NKAIN2: variants seen among roughly 807,000 people sequenced by gnomAD.
The protein encoded by NKAIN2 is sodium/potassium transporting ATPase interacting 2, also known as sodium/potassium-transporting ATPase subunit beta-1-interacting protein 2.
NKAIN2 carries 14 observed loss-of-function variants against 32.6 expected under a neutral mutation model. That is an observed-to-expected ratio of 0.43 (90% confidence interval 0.28 to 0.67). NKAIN2 has a LOEUF of 0.67. NKAIN2 is among the 30% of genes least tolerant of loss of function. The pLI is 0.17. For synonymous variants in NKAIN2, 80 were observed against 87.2 expected (o/e 0.92, Z 0.46); for missense variants, 198 against 258.3 (o/e 0.77, Z 1.60).
intron 1 of NKAIN2, among the ~76,000 whole-genome samples, chr6:123,918,959 GCTGA>G (rs1419323148): frequency 6.6e-6 from 1 of 151,932 alleles, no homozygotes; most frequent in Non-Finnish European, 1.5e-5. Flanking sequence ...AATTCTGCTA[GCTGA>G]CTGACTCTTC....
intron 3 of NKAIN2, among the ~76,000 whole-genome samples, chr6:124,585,768 G>A (rs992843659): frequency 1.3e-5 from 2 of 152,062 alleles, no homozygotes; most frequent in Admixed American, 1.3e-4. Context: ...TCTTTTAAAT[G>A]TATTACTAAA....
At chr6:124,661,246 T>A (rs1784735162) in intron 4 of NKAIN2, among the ~76,000 whole-genome samples, 2 of 152,206 alleles carry the variant, frequency 1.3e-5, no homozygotes. Context: ...CCATGCAGTT[T>A]TGTAAAGTCA....
At chr6:124,426,995 C>G (rs1775010587) in intron 3 of NKAIN2, among the ~76,000 whole-genome samples, 1 of 152,148 alleles carries the variant, frequency 6.6e-6, no homozygotes, top group Non-Finnish European at 1.5e-5. Flanking sequence ...TATAAATTGC[C>G]CAGTCTCAGG....
At chr6:124,294,454 G>C (rs533961808) in intron 2 of NKAIN2, among the ~76,000 whole-genome samples, 11 of 152,102 alleles carry the variant, frequency 7.2e-5, no homozygotes, top group South Asian at 6.2e-4. Flanking sequence ...ACTGCAAAAG[G>C]GTTTCAGCTT....
chr6:124,198,666 G>T (rs1034568761), intron 1 of NKAIN2, among the ~76,000 whole-genome samples: 5 of 151,842 alleles, frequency 3.3e-5, no homozygotes, highest in Non-Finnish European at 4.4e-5. Flanking sequence ...TGCTCTGCAT[G>T]AGAGAAGAGT....
chr6:124,287,858 T>TATGTAG (rs1795627315), intron 2 of NKAIN2, among the ~76,000 whole-genome samples: 1 of 152,158 alleles, frequency 6.6e-6, no homozygotes. Context: ...ATCTGAGGAA[T>TATGTAG]ATGTAGGTTC....
chr6:124,612,294 CT>C (rs902780022), intron 3 of NKAIN2, among the ~76,000 whole-genome samples: 24 of 151,892 alleles, frequency 1.6e-4, no homozygotes, highest in Admixed American at 1.6e-3. Context: ...AAAACAGTTG[CT>C]TTGCATTAAT....
intron 2 of NKAIN2, among the ~76,000 whole-genome samples, chr6:124,328,048 A>T (rs1797493594): frequency 6.6e-6 from 1 of 152,164 alleles, no homozygotes; most frequent in Non-Finnish European, 1.5e-5. Context: ...TTATAGTTGT[A>T]AGTGTACACA....
chr6:124,227,107 T>G (rs1309468228), intron 1 of NKAIN2, among the ~76,000 whole-genome samples: 1 of 138,066 alleles, frequency 7.2e-6, no homozygotes, highest in Non-Finnish European at 1.6e-5. Context: ...AAAGAAAAAG[T>G]TACTAATACT....
chr6:123,838,071 A>G (rs1262836570), intron 1 of NKAIN2, among the ~76,000 whole-genome samples: 1 of 152,176 alleles, frequency 6.6e-6, no homozygotes, highest in Non-Finnish European at 1.5e-5. Context: ...AGCCCTAAAT[A>G]GGATTTTCCA....
intron 3 of NKAIN2, among the ~76,000 whole-genome samples, chr6:124,595,686 C>T (rs941373273): frequency 1.3e-5 from 2 of 151,994 alleles, no homozygotes; most frequent in Non-Finnish European, 1.5e-5. Flanking sequence ...CCATAGGGAA[C>T]TCAGCTTCTA....
chr6:124,596,226 G>A (rs1261831125), intron 3 of NKAIN2, among the ~76,000 whole-genome samples: 4 of 152,164 alleles, frequency 2.6e-5, no homozygotes, highest in Admixed American at 2.6e-4. Context: ...GGTACTTAGG[G>A]GGCATCAGGG....
At chr6:124,588,709 GGAGCTCT>G (rs1342832510) in intron 3 of NKAIN2, among the ~76,000 whole-genome samples, 1 of 152,126 alleles carries the variant, frequency 6.6e-6, no homozygotes, top group Non-Finnish European at 1.5e-5. Context: ...GGATTGTAAT[GGAGCTCT>G]TGATTCTATT....
rs370911145 is a variant in NKAIN2 at position 124,626,078 on chromosome 6, T to A, written c.274-32108T>A. ...ATTTAGCATTAGGTATATCTCCTAA[T>A]GCTATCCCTCCCCACTCCCCACACC... is the stretch of plus-strand genomic sequence containing the variant. On this transcript the variant is annotated intron_variant, in intron 3 of 6. Transcript: ENST00000368417. Among the ~76,000 whole-genome samples the A allele has an allele frequency of 3.4e-3, 458 of 135,780 alleles. 2 individuals carry two copies. Among genetic ancestry groups the A allele is most frequent in the African/African-American group, 0.011 (410 of 37,702 alleles). The allele number at this position is 135,780 out of a possible 152,430, so 89.1% of individuals were successfully genotyped here. A position where few individuals can be genotyped will look rare whatever the true frequency, so the allele number is the denominator to read the frequency against.
At chr6:124,615,693 CTG>C (rs1782860825) in intron 3 of NKAIN2, among the ~76,000 whole-genome samples, 1 of 146,728 alleles carries the variant, frequency 6.8e-6, no homozygotes, top group African/African-American at 2.6e-5. Context: ...CTGACCCTTT[CTG>C]TCTTTCCTCT....
chr6:123,857,488 A>G (rs756058609), intron 1 of NKAIN2, among the ~76,000 whole-genome samples: 1 of 152,188 alleles, frequency 6.6e-6, no homozygotes, highest in Non-Finnish European at 1.5e-5. Flanking sequence ...TATTTAAGCA[A>G]TAGGCCATAA....
chr6:123,979,360 G>T (rs1300253000), intron 1 of NKAIN2, among the ~76,000 whole-genome samples: 1 of 152,034 alleles, frequency 6.6e-6, no homozygotes, highest in East Asian at 1.9e-4. Flanking sequence ...GCACAGCATG[G>T]GTATAAGGAT....
At position 124,798,603 on chromosome 6, in the gene NKAIN2, C is replaced by A. The variant is rs555647010; in HGVS notation, c.535+7204C>A. 3.9e-5 allele frequency among the ~76,000 whole-genome samples: 6 copies of A among 152,212 alleles called. No individual in the cohort carries two copies. The East Asian group carries it at 1.2e-3, about 29-fold the overall frequency. On this transcript the variant is annotated intron_variant, in intron 5 of 6. Transcript: ENST00000368417. ...TCATCTTTCACCTTTCCTTCCCATT[C>A]CCCCCTCTGCCCAAAGCACAGAAGT...
At chr6:124,519,884 A>G (rs1456983315) in intron 3 of NKAIN2, among the ~76,000 whole-genome samples, 1 of 152,190 alleles carries the variant, frequency 6.6e-6, no homozygotes, top group Non-Finnish European at 1.5e-5. Flanking sequence ...TGTGTAAAAT[A>G]TCGTGAGCTT....
Sources: gnomAD v4.1 joint callset for allele counts (sites outside exome capture counted in the v4.1 genomes callset) on GRCh38, gnomAD v4.1.1 for gene constraint, MANE v1.5 for transcripts, NCBI Gene and HGNC (gene_info 2026-07-23, HGNC 2026-07-21) for gene names.